NF1: variants seen among roughly 807,000 people sequenced by gnomAD.
The protein encoded by NF1 is neurofibromin 1.
In NF1, 122 loss-of-function variants were observed where a neutral mutation model predicts 325.7. That is an observed-to-expected ratio of 0.37 (90% CI 0.32 to 0.44). The LOEUF (loss-of-function observed/expected upper bound fraction) is 0.44, where lower values mean the gene tolerates loss of function less well. Among genes scored for constraint, NF1 ranks in the 20% least tolerant of loss-of-function variants. The probability of loss-of-function intolerance (pLI) is 1.00; values close to 1 mark genes in which losing one functional copy is unlikely to be tolerated. For missense variants in NF1, 2,140 were observed against 3,415.4 expected (o/e 0.63, Z 9.31); for synonymous variants, 1,091 against 1,186.0 (o/e 0.92, Z 1.65).
intron 8 of NF1, among the ~76,000 whole-genome samples, chr17:31,186,788 A>G (rs150783659): frequency 0.013 from 1,992 of 152,320 alleles, 22 homozygotes; most frequent in Non-Finnish European, 0.023. Flanking sequence ...CAAAGTGGCC[A>G]TGGTGGCAGG....
chr17:31,363,210 G>A (rs1307214436), intron 57 of NF1, among the ~76,000 whole-genome samples: 27 of 151,982 alleles, frequency 1.8e-4, no homozygotes, highest in Admixed American at 1.8e-3. Flanking sequence ...TCAGAGAAAG[G>A]GTTTATCTTT....
chr17:31,144,072 C>G (rs1916420078), intron 1 of NF1, among the ~76,000 whole-genome samples: 1 of 152,168 alleles, frequency 6.6e-6, no homozygotes, highest in South Asian at 2.1e-4. Flanking sequence ...ATCCGCCCGC[C>G]TCGGCCTCCC....
At chr17:31,242,982 T>C (rs972788231) in intron 29 of NF1, among the ~76,000 whole-genome samples, 1 of 152,190 alleles carries the variant, frequency 6.6e-6, no homozygotes, top group Non-Finnish European at 1.5e-5. Context: ...TTATCTTAAG[T>C]CTTTGGTCAC....
intron 36 of NF1, chr17:31,318,900 G>C: frequency 6.2e-7 from 1 of 1,614,048 alleles, no homozygotes; most frequent in Non-Finnish European, 8.5e-7. Context: ...AAGAAGTACT[G>C]TTAGCCCACA....
chr17:31,357,903 G>A (rs1282574902), intron 54 of NF1: 1 of 166,202 alleles, frequency 6.0e-6, no homozygotes, highest in East Asian at 1.8e-4. Flanking sequence ...ATTTTAGAGA[G>A]TTAGAACTCA....
chr17:31,225,080 T>C lies in NF1; in HGVS notation c.1846-15T>C, dbSNP rs1482058757. ...TCAGTGCTTCAGTAAAGCTTATTTA[T>C]TTATTTTTTTCTAGCAGGCAGATAG... is the stretch of plus-strand genomic sequence containing the variant. On this transcript the variant is annotated splice_polypyrimidine_tract_variant and intron_variant, in intron 16 of 57. Coordinates refer to ENST00000358273, the MANE Select transcript of NF1 (RefSeq NM_001042492.3). 1 of 1,613,066 alleles carries C rather than the reference T, an allele frequency of 6.2e-7. No individual in the cohort carries two copies.
intron 36 of NF1, chr17:31,295,336 C>T (rs753817844): frequency 1.1e-5 from 18 of 1,613,948 alleles, no homozygotes; most frequent in Admixed American, 1.7e-5. Flanking sequence ...CTGGATAGGG[C>T]ACAAAAGCCT....
At chr17:31,263,112 T>TA (rs2067720198) in intron 35 of NF1, among the ~76,000 whole-genome samples, 2 of 79,358 alleles carry the variant, frequency 2.5e-5, no homozygotes, top group African/African-American at 4.3e-5. Context: ...GGTAGGTAGA[T>TA]AGATAGATAG....
In NF1 at chr17:31,375,124, G is replaced by C. The variant is rs1597883823; in HGVS notation, c.*969G>C. On this transcript the variant is annotated 3_prime_UTR_variant, in exon 58 of 58. Transcript: ENST00000358273. ...TTGTTCCCAGAAGGTAATTTTCATAGATGTTTGCATTAGCTCCATAGCAAA... is the reference window on the plus strand; with the variant it reads ...TTGTTCCCAGAAGGTAATTTTCATACATGTTTGCATTAGCTCCATAGCAAA... 4.6e-6 allele frequency: 1 copy of C among 217,440 alleles called. No homozygotes were observed. The highest frequency in any genetic ancestry group is 9.3e-6 in the Non-Finnish European group (1 of 107,838). 13.5% of individuals were successfully genotyped at this position (217,440 alleles called of 1,614,324 possible).
intron 8 of NF1, among the ~76,000 whole-genome samples, chr17:31,190,995 G>A (rs1384600788): frequency 6.6e-6 from 1 of 152,032 alleles, no homozygotes; most frequent in Non-Finnish European, 1.5e-5. Flanking sequence ...GAATGTATAA[G>A]TTTATCAGAA....
rs983491324 is a variant in NF1 at position 31,340,730 on chromosome 17, CAAG to C, written c.7062+89_7062+91del. 3.6e-6 allele frequency: 5 copies of C among 1,376,382 alleles called. No homozygotes were observed. The African/African-American group carries it at 5.7e-5, about 16-fold the overall frequency. The allele number at this position is 1,376,382 out of a possible 1,614,324, so 85.3% of individuals were successfully genotyped here. A position where few individuals can be genotyped will look rare whatever the true frequency, so the allele number is the denominator to read the frequency against. ...TCTTGTTGCTATTCTTTTAAAATCA[CAAG>C]AAGTCCATAACTTAAGTAGGAATTT... On this transcript the variant is annotated intron_variant, in intron 47 of 57. Transcript: ENST00000358273.
intron 13 of NF1, among the ~76,000 whole-genome samples, chr17:31,218,052 G>A (rs2066853672): frequency 6.6e-6 from 1 of 151,924 alleles, no homozygotes; most frequent in Non-Finnish European, 1.5e-5. Context: ...GGTATCTGCC[G>A]ATGCAAATTC....
At chr17:31,097,853 T>C (rs1351715105) in intron 1 of NF1, among the ~76,000 whole-genome samples, 6 of 152,162 alleles carry the variant, frequency 3.9e-5, no homozygotes, top group Admixed American at 1.3e-4. Flanking sequence ...TGCACCATCG[T>C]GCCTGGCTAA....
intron 8 of NF1, among the ~76,000 whole-genome samples, chr17:31,189,745 T>C (rs539274242): frequency 2.0e-5 from 3 of 151,402 alleles, no homozygotes; most frequent in East Asian, 3.9e-4. Context: ...CTTTCTGGAT[T>C]AAAAAGAAAA....
intron 12 of NF1, among the ~76,000 whole-genome samples, chr17:31,209,760 C>T (rs547306971): frequency 2.0e-4 from 30 of 152,130 alleles, no homozygotes; most frequent in Admixed American, 3.3e-4. Flanking sequence ...TTCAAGTGAT[C>T]TCCTGCTTTA....
Position 31,173,507 on chromosome 17 carries a change from A to G in NF1, c.586+3510A>G, listed in dbSNP as rs148113400. Among the ~76,000 whole-genome samples the G allele has an allele frequency of 4.1e-3, 625 of 152,278 alleles. 1 individual carries two copies. The highest frequency in any genetic ancestry group is 6.7e-3 in the Non-Finnish European group (459 of 68,010). ...GCTACTCGGGTGGCCGAGGCACAGC[A>G]GAATCGCTTGAGCCTGGGAGATGGA... On this transcript the variant is annotated intron_variant, in intron 5 of 57. Coordinates refer to ENST00000358273, the MANE Select transcript of NF1 (RefSeq NM_001042492.3).
intron 12 of NF1, among the ~76,000 whole-genome samples, chr17:31,210,754 CTG>C (rs2066715434): frequency 1.3e-5 from 2 of 152,112 alleles, no homozygotes; most frequent in South Asian, 2.1e-4. Flanking sequence ...TATTAAACTG[CTG>C]TGTTTGTATA....
intron 51 of NF1, among the ~76,000 whole-genome samples, chr17:31,352,637 T>C (rs1194049642): frequency 6.6e-6 from 1 of 152,146 alleles, no homozygotes; most frequent in Non-Finnish European, 1.5e-5. Flanking sequence ...CTGAATCTTA[T>C]ACTAAATATT....
intron 46 of NF1, 185 bp from the exon 47 acceptor site, chr17:31,340,320 A>G: frequency 1.5e-6 from 1 of 676,136 alleles, no homozygotes; most frequent in Non-Finnish European, 2.5e-6. Flanking sequence ...TTCTCAGTCC[A>G]GCTAACAGTG....
Sources: allele counts gnomAD v4.1 joint callset (sites outside exome capture counted in the v4.1 genomes callset), GRCh38; gene constraint gnomAD v4.1.1; transcripts MANE v1.5; gene names NCBI Gene and HGNC (gene_info 2026-07-23, HGNC 2026-07-21).